PRKCE: variants seen among roughly 807,000 people sequenced by gnomAD.
PRKCE encodes protein kinase C epsilon type.
In PRKCE, 16 loss-of-function variants were observed where a neutral mutation model predicts 85.4. That is an observed-to-expected ratio of 0.19 (90% confidence interval 0.13 to 0.28). The LOEUF (loss-of-function observed/expected upper bound fraction) is 0.28. PRKCE is among the 10% of genes least tolerant of loss of function. PRKCE has a pLI of 1.00. For missense variants in PRKCE, 573 were observed against 975.2 expected, an observed-to-expected ratio of 0.59 and a Z score of 5.49; for synonymous variants, 388 against 371.5, an observed-to-expected ratio of 1.04 and a Z score of -0.51.
At chr2:45,743,939 C>T (rs1391426492) in intron 1 of PRKCE, among the ~76,000 whole-genome samples, 1 of 151,314 alleles carries the variant, frequency 6.6e-6, no homozygotes, top group Non-Finnish European at 1.5e-5. Flanking sequence ...CCTGAGTGTA[C>T]AGGAAGGAGC....
chr2:45,678,644 GATAA>G (rs752522225), intron 1 of PRKCE, among the ~76,000 whole-genome samples: 11 of 152,030 alleles, frequency 7.2e-5, no homozygotes, highest in Non-Finnish European at 1.5e-4. Flanking sequence ...TTTCTTTCAA[GATAA>G]ATAAATTATT....
chr2:46,024,011 A>T (rs1706897819), intron 10 of PRKCE, among the ~76,000 whole-genome samples: 1 of 152,230 alleles, frequency 6.6e-6, no homozygotes, highest in Non-Finnish European at 1.5e-5. Context: ...ATACAGCTGG[A>T]AGCGGCAGAG....
intron 2 of PRKCE, among the ~76,000 whole-genome samples, chr2:45,971,430 T>C (rs550102248): frequency 1.1e-4 from 16 of 152,304 alleles, no homozygotes; most frequent in African/African-American, 3.6e-4. Context: ...TAACAAAGCA[T>C]TTTATTTACG....
At chr2:46,087,083 T>A (rs1211947555) in intron 11 of PRKCE, among the ~76,000 whole-genome samples, 1 of 152,110 alleles carries the variant, frequency 6.6e-6, no homozygotes, top group Non-Finnish European at 1.5e-5. Context: ...TTCCTTAAGG[T>A]TTTCTCAATG....
At chr2:45,713,735 A>C (rs901551005) in intron 1 of PRKCE, among the ~76,000 whole-genome samples, 1 of 152,202 alleles carries the variant, frequency 6.6e-6, no homozygotes, top group Non-Finnish European at 1.5e-5. Context: ...ATGGTAAATG[A>C]GAAGTGAAGA....
At chr2:46,049,179 T>C (rs1351776586) in intron 10 of PRKCE, among the ~76,000 whole-genome samples, 1 of 152,166 alleles carries the variant, frequency 6.6e-6, no homozygotes, top group Non-Finnish European at 1.5e-5. Context: ...GGGCCCATTT[T>C]TCCTAGACGT....
chr2:45,738,701 C>G (rs1682292630), intron 1 of PRKCE, among the ~76,000 whole-genome samples: 1 of 152,114 alleles, frequency 6.6e-6, no homozygotes, highest in South Asian at 2.1e-4. Context: ...GTGAATAACT[C>G]TGAGATGTTT....
At chr2:45,761,508 G>T (rs765185722) in intron 1 of PRKCE, among the ~76,000 whole-genome samples, 1 of 151,978 alleles carries the variant, frequency 6.6e-6, no homozygotes, top group African/African-American at 2.4e-5. Context: ...CACTTTTATT[G>T]TCTCCATTTT....
chr2:46,163,376 A>G (rs1443193308), intron 14 of PRKCE, among the ~76,000 whole-genome samples: 1 of 146,914 alleles, frequency 6.8e-6, no homozygotes, highest in Non-Finnish European at 1.5e-5. Context: ...TCATCCCCAC[A>G]GAGGCCACTG....
chr2:46,072,102 C>G (rs1166553045), intron 10 of PRKCE, among the ~76,000 whole-genome samples: 1 of 152,208 alleles, frequency 6.6e-6, no homozygotes, highest in Non-Finnish European at 1.5e-5. Flanking sequence ...CAGAGTAAAT[C>G]TGAATGGAAA....
intron 2 of PRKCE, among the ~76,000 whole-genome samples, chr2:45,975,602 T>C (rs1702396073): frequency 6.6e-6 from 1 of 152,214 alleles, no homozygotes; most frequent in Non-Finnish European, 1.5e-5. Flanking sequence ...GTTAAGACTT[T>C]AATGTATTAA....
chr2:45,728,670 G>T (rs971044001), intron 1 of PRKCE, among the ~76,000 whole-genome samples: 2 of 152,184 alleles, frequency 1.3e-5, no homozygotes, highest in African/African-American at 4.8e-5. Flanking sequence ...AAGCCCCCAG[G>T]TTGCCTGACT....
intron 2 of PRKCE, among the ~76,000 whole-genome samples, chr2:45,846,583 G>T (rs1045826157): frequency 6.6e-6 from 1 of 152,150 alleles, no homozygotes; most frequent in Non-Finnish European, 1.5e-5. Flanking sequence ...AGTTCTGGAG[G>T]GATTGCATAT....
chr2:45,766,578 G>C (rs181528267), intron 1 of PRKCE, among the ~76,000 whole-genome samples: 1 of 152,322 alleles, frequency 6.6e-6, no homozygotes, highest in East Asian at 1.9e-4. Flanking sequence ...GAAGAACCTG[G>C]GGTGTTTCTA....
intron 2 of PRKCE, among the ~76,000 whole-genome samples, chr2:45,881,168 A>AG (rs1227480005): frequency 6.6e-6 from 1 of 151,768 alleles, no homozygotes; most frequent in East Asian, 1.9e-4. Context: ...AAAAAAAAAA[A>AG]AAAGATTTCA....
intron 2 of PRKCE, among the ~76,000 whole-genome samples, chr2:45,928,475 C>T (rs1698796076): frequency 6.6e-6 from 1 of 152,088 alleles, no homozygotes; most frequent in Admixed American, 6.6e-5. Flanking sequence ...CGTCATGTTG[C>T]CCAGACTGGT....
chr2:45,986,117 A>G (rs920907758), intron 6 of PRKCE, among the ~76,000 whole-genome samples: 3 of 152,270 alleles, frequency 2.0e-5, no homozygotes, highest in Non-Finnish European at 4.4e-5. Flanking sequence ...GCACCATGGA[A>G]GCCAAAAGAG....
intron 1 of PRKCE, among the ~76,000 whole-genome samples, chr2:45,797,852 G>C (rs968043631): frequency 6.6e-6 from 1 of 152,192 alleles, no homozygotes; most frequent in African/African-American, 2.4e-5. Context: ...TAAAGGTTGA[G>C]GGGATCCAGG....
chr2:46,104,785 A>G (rs1671560905), intron 11 of PRKCE, among the ~76,000 whole-genome samples: 1 of 152,142 alleles, frequency 6.6e-6, no homozygotes, highest in South Asian at 2.1e-4. Flanking sequence ...AATGAAACCA[A>G]TCTAGAAAAA....
Sources: allele counts gnomAD v4.1 joint callset (sites outside exome capture counted in the v4.1 genomes callset), GRCh38; gene constraint gnomAD v4.1.1; transcripts MANE v1.5; gene names NCBI Gene and HGNC (gene_info 2026-07-23, HGNC 2026-07-21).